The following TFPI variants were observed in gnomAD, a reference collection of about 807,000 sequenced individuals.
The protein encoded by TFPI is tissue factor pathway inhibitor, also known as anti-convertin.
Under a neutral mutation model 34.6 loss-of-function variants are expected in TFPI, and 15 were observed. That is an observed-to-expected ratio of 0.43 (90% CI 0.29 to 0.67). TFPI has a LOEUF of 0.67. Among genes scored for constraint, TFPI ranks in the 30% least tolerant of loss-of-function variants. The probability of loss-of-function intolerance (pLI) is 0.15; values close to 1 mark genes in which losing one functional copy is unlikely to be tolerated. For synonymous variants in TFPI, 105 were observed against 120.1 expected, an observed-to-expected ratio of 0.87 and a Z score of 0.82; for missense variants, 301 against 364.0, an observed-to-expected ratio of 0.83 and a Z score of 1.41.
At chr2:187,539,289 T>C (rs901393688) in intron 1 of TFPI, among the ~76,000 whole-genome samples, 3 of 152,200 alleles carry the variant, frequency 2.0e-5, no homozygotes, top group African/African-American at 4.8e-5. Context: ...ACACTCTTTT[T>C]TTCTTTCAAA....
intron 3 of TFPI, among the ~76,000 whole-genome samples, chr2:187,488,875 A>G (rs929346189): frequency 2.6e-5 from 4 of 151,540 alleles, no homozygotes; most frequent in Non-Finnish European, 5.9e-5. Context: ...AGAAGAAATG[A>G]AACAAAAGGC....
chr2:187,494,817 G>A (rs529682270), intron 3 of TFPI, among the ~76,000 whole-genome samples: 42 of 152,236 alleles, frequency 2.8e-4, no homozygotes, highest in African/African-American at 9.9e-4. Context: ...CTGGCTCCTG[G>A]TTTTAAGCAA....
chr2:187,497,045 G>T lies in TFPI; in HGVS notation c.155C>A (p.Ser52Ter), dbSNP rs1203602186. ...TELPPLKLMH[S>*]FCAFKADDGP... is the part of the protein sequence containing the mutation. The stretch of plus-strand genomic sequence containing the variant: ...ATCATCCGCCTTGAATGCACAAAAT[G>T]AATGCATAAGTTTCAGTGGTGGCAA... The change falls in exon 3 of 8, where the codon TCA (serine) becomes TAA (stop). Residue 52 changes from serine (S) to a stop codon, truncating the protein, a stop_gained. Transcript: ENST00000233156. LOFTEE classifies it high-confidence loss of function. The T allele has an allele frequency of 6.2e-7, 1 of 1,612,856 alleles. No homozygotes were observed. Among genetic ancestry groups the T allele is most frequent in the Non-Finnish European group, 8.5e-7 (1 of 1,179,402 alleles).
chr2:187,476,581 C>T (rs1198513792), intron 6 of TFPI, among the ~76,000 whole-genome samples: 1 of 152,130 alleles, frequency 6.6e-6, no homozygotes, highest in African/African-American at 2.4e-5. Context: ...CTCAAGCTAT[C>T]TTCCCACCCC....
At chr2:187,512,440 A>G (rs1334215158) in intron 1 of TFPI, among the ~76,000 whole-genome samples, 2 of 152,034 alleles carry the variant, frequency 1.3e-5, no homozygotes, top group Admixed American at 6.5e-5. Flanking sequence ...AATCTTAATT[A>G]CTATACAAAG....
chr2:187,527,246 AAGT>A (rs1367474073), intron 1 of TFPI: 1 of 152,126 alleles, frequency 6.6e-6, no homozygotes, highest in East Asian at 1.9e-4. Context: ...TACTTTTTGC[AAGT>A]AGTATTCTCA....
chr2:187,509,425 TC>T (rs1466846126), intron 1 of TFPI, among the ~76,000 whole-genome samples: 5 of 152,194 alleles, frequency 3.3e-5, no homozygotes, highest in Non-Finnish European at 4.4e-5. Flanking sequence ...ATCTGTCTGA[TC>T]CTGGGCTTTT....
At chr2:187,483,037 T>C (rs780478929) in intron 6 of TFPI, among the ~76,000 whole-genome samples, 8 of 151,998 alleles carry the variant, frequency 5.3e-5, no homozygotes, top group Non-Finnish European at 1.2e-4. Flanking sequence ...ATTAGATCAC[T>C]GTGGGACTCA....
intron 1 of TFPI, among the ~76,000 whole-genome samples, chr2:187,505,128 C>CAT (rs1160911): frequency 0.39 from 59,327 of 151,562 alleles, 12,856 homozygotes; most frequent in African/African-American, 0.59. Context: ...TTTTTGAACA[C>CAT]GTTTTTCAGA....
intron 6 of TFPI, 37 bp downstream of exon 6, chr2:187,484,087 A>C: frequency 6.5e-7 from 1 of 1,533,408 alleles, no homozygotes; most frequent in Non-Finnish European, 9.0e-7. Context: ...GCATGATAAT[A>C]GTTTCCTGGA....
At chr2:187,478,951 C>T in intron 6 of TFPI, 1 of 585,126 alleles carries the variant, frequency 1.7e-6, no homozygotes, top group South Asian at 2.4e-5. Flanking sequence ...GACAGTGAGG[C>T]AGAGCAAACA....
intron 3 of TFPI, among the ~76,000 whole-genome samples, chr2:187,492,322 T>C (rs1685174432): frequency 2.0e-5 from 3 of 152,190 alleles, no homozygotes. Flanking sequence ...TTTCCCAGAT[T>C]TTCCTCTAGA....
chr2:187,534,603 CA>C (rs1688142663), intron 1 of TFPI, among the ~76,000 whole-genome samples: 1 of 152,112 alleles, frequency 6.6e-6, no homozygotes, highest in South Asian at 2.1e-4. Flanking sequence ...CGGTACCAGC[CA>C]CTGCAAAAAC....
rs556437001 is a variant in TFPI, at chr2:187,539,135, A to C, written c.-3+15065T>G. Among the ~76,000 whole-genome samples the C allele has an allele frequency of 3.7e-4, 56 of 151,946 alleles. 2 individuals carry two copies. In the South Asian group the frequency reaches 0.012, roughly 32 times the overall value. ...GTGTATGTTCTTTCAAACTTTATCA[A>C]TTGTTCATATGGATTTCAATAAACA... On this transcript the variant is annotated intron_variant, in intron 1 of 7. Transcript: ENST00000233156.
chr2:187,519,087 A>G (rs1687199082), intron 1 of TFPI: 1 of 152,122 alleles, frequency 6.6e-6, no homozygotes, highest in South Asian at 2.1e-4. Flanking sequence ...ATTGGGTTAG[A>G]ACATGCTCCC....
At chr2:187,546,059 C>G (rs1023940633) in intron 1 of TFPI, among the ~76,000 whole-genome samples, 7 of 151,830 alleles carry the variant, frequency 4.6e-5, no homozygotes, top group Non-Finnish European at 8.8e-5. Context: ...CAATTGAAAT[C>G]TGAAGAGAAT....
intron 6 of TFPI, among the ~76,000 whole-genome samples, chr2:187,475,310 A>G (rs551658002): frequency 1.3e-5 from 2 of 152,294 alleles, no homozygotes; most frequent in South Asian, 4.1e-4. Flanking sequence ...AAATATGTAT[A>G]ATTATGTTTG....
In TFPI at chr2:187,497,095, A is replaced by T. The variant is rs780805502; in HGVS notation, c.122-17T>A. 3 of 1,599,538 alleles carry T rather than the reference A, an allele frequency of 1.9e-6. No individual in the cohort carries two copies. In the Admixed American group the frequency reaches 5.1e-5, roughly 27 times the overall value. Reference sequence around the variant, plus strand: ...ACTCCGTATCTATAAAGTAAAAATAAAAGATATAACATGTAATCTCCATCA... The same window carrying T: ...ACTCCGTATCTATAAAGTAAAAATATAAGATATAACATGTAATCTCCATCA... On this transcript the variant is annotated splice_polypyrimidine_tract_variant and intron_variant, in intron 2 of 7. Coordinates refer to ENST00000233156, the MANE Select transcript of TFPI (RefSeq NM_006287.6).
At position 187,524,494 on chromosome 2, in the gene TFPI, T is replaced by C. The variant is rs553322189; in HGVS notation, c.-2-20724A>G. Among the ~76,000 whole-genome samples the C allele has an allele frequency of 2.5e-4, 38 of 152,140 alleles. 1 individual carries two copies. The South Asian group carries it at 5.8e-3, about 23-fold the overall frequency. On this transcript the variant is annotated intron_variant, in intron 1 of 7. Transcript: ENST00000233156. ...CTATTCTTAGCACAGGCACTTTACATAGGATTCACAACTCTGTGTTCAATA... is the reference window on the plus strand; with the variant it reads ...CTATTCTTAGCACAGGCACTTTACACAGGATTCACAACTCTGTGTTCAATA...
Sources: gnomAD v4.1 joint callset for allele counts (sites outside exome capture counted in the v4.1 genomes callset) on GRCh38, gnomAD v4.1.1 for gene constraint, MANE v1.5 for transcripts, NCBI Gene and HGNC (gene_info 2026-07-23, HGNC 2026-07-21) for gene names.